ERBB4: variants seen among roughly 807,000 people sequenced by gnomAD.
The protein encoded by ERBB4 is erb-b2 receptor tyrosine kinase 4.
In ERBB4, 42 loss-of-function variants were observed where a neutral mutation model predicts 158.0. The observed-to-expected ratio is 0.27, with a 90% CI of 0.21 to 0.34. The LOEUF (loss-of-function observed/expected upper bound fraction) is 0.34. Among genes scored for constraint, ERBB4 ranks in the 10% least tolerant of loss-of-function variants. The pLI is 1.00. For synonymous variants in ERBB4, 583 were observed against 558.7 expected (o/e 1.04, Z -0.61); for missense variants, 1,333 against 1,624.1 (o/e 0.82, Z 3.08).
intron 2 of ERBB4, among the ~76,000 whole-genome samples, chr2:212,121,040 A>C (rs1391293282): frequency 6.6e-6 from 1 of 152,236 alleles, no homozygotes; most frequent in Non-Finnish European, 1.5e-5. Context: ...ATGAAATTTT[A>C]TATTAAATGG....
At chr2:212,300,534 TC>T (rs1297479042) in intron 1 of ERBB4, among the ~76,000 whole-genome samples, 3 of 151,446 alleles carry the variant, frequency 2.0e-5, no homozygotes, top group African/African-American at 7.3e-5. Flanking sequence ...TTTTAAAATA[TC>T]CCAGCCTACA....
chr2:211,756,148 C>T (rs1281707442), intron 4 of ERBB4, among the ~76,000 whole-genome samples: 1 of 152,050 alleles, frequency 6.6e-6, no homozygotes, highest in African/African-American at 2.4e-5. Context: ...ATGTCACTAC[C>T]CTGTCCTCAA....
chr2:211,562,185 T>C, intron 19 of ERBB4, 97 bp from the exon 20 acceptor site: 1 of 1,000,364 alleles, frequency 1.0e-6, no homozygotes. Flanking sequence ...TTTTTAAAAA[T>C]GTACTCTTAC....
Position 211,991,757 on chromosome 2 carries a change from A to C in ERBB4, c.235-44141T>G, listed in dbSNP as rs144631633. Among the ~76,000 whole-genome samples the C allele has an allele frequency of 4.6e-3, 693 of 152,274 alleles. 1 individual carries two copies. The highest frequency in any genetic ancestry group is 8.0e-3 in the Non-Finnish European group (541 of 68,014). ...GACTAAGATAAATGAACGGAAAGGA[A>C]GTTGGAAAAAGGAAAAATCAGAGAC... is the stretch of plus-strand genomic sequence containing the variant. On this transcript the variant is annotated intron_variant, in intron 2 of 27. Coordinates refer to ENST00000342788, the MANE Select transcript of ERBB4 (RefSeq NM_005235.3).
intron 1 of ERBB4, among the ~76,000 whole-genome samples, chr2:212,407,505 C>A (rs1011228448): frequency 1.3e-5 from 2 of 152,038 alleles, no homozygotes; most frequent in African/African-American, 4.8e-5. Context: ...TGATCCCAAG[C>A]ACTCTGACTT....
At position 211,399,214 on chromosome 2, in the gene ERBB4, A is replaced by T. The variant is rs76982445; in HGVS notation, c.3136-11222T>A. On this transcript the variant is annotated intron_variant, in intron 25 of 27. Coordinates refer to ENST00000342788, the MANE Select transcript of ERBB4 (RefSeq NM_005235.3). ...ATAATTTAACAACTGTATTCTGTTTATTTCATCAGTGTGTCTTTTTTCTTA... is the reference window on the plus strand; with the variant it reads ...ATAATTTAACAACTGTATTCTGTTTTTTTCATCAGTGTGTCTTTTTTCTTA... 5.1e-3 allele frequency among the ~76,000 whole-genome samples: 773 copies of T among 152,320 alleles called. 6 individuals are homozygous for T. The highest frequency in any genetic ancestry group is 0.017 in the African/African-American group (726 of 41,580).
chr2:211,698,267 G>A (rs949839894), intron 12 of ERBB4, among the ~76,000 whole-genome samples: 3 of 149,102 alleles, frequency 2.0e-5, no homozygotes, highest in Non-Finnish European at 3.0e-5. Context: ...GGCCAAGATC[G>A]TGCCATTGCA....
At chr2:212,211,459 T>C (rs1407166346) in intron 1 of ERBB4, among the ~76,000 whole-genome samples, 2 of 152,136 alleles carry the variant, frequency 1.3e-5, no homozygotes, top group Non-Finnish European at 2.9e-5. Flanking sequence ...GATTTCTGTG[T>C]CCTTAGTGCT....
intron 1 of ERBB4, among the ~76,000 whole-genome samples, chr2:212,535,414 G>T (rs970776268): frequency 6.6e-6 from 1 of 151,974 alleles, no homozygotes; most frequent in Non-Finnish European, 1.5e-5. Context: ...ATAACCCCAT[G>T]ATTTTGGAGA....
Position 211,513,714 on chromosome 2 carries a change from C to T in ERBB4, c.2487+48189G>A, listed in dbSNP as rs545306838. 4.3e-3 allele frequency among the ~76,000 whole-genome samples: 648 copies of T among 152,120 alleles called. 7 individuals are homozygous for T. The highest frequency in any genetic ancestry group is 0.014 in the African/African-American group (592 of 41,514). ...TAGAGTAATAGGTCTTTGGCAGGCG[C>T]CCCCAACCCCTGTCTACGCTTTGTT... On this transcript the variant is annotated intron_variant, in intron 20 of 27. Transcript: ENST00000342788.
intron 16 of ERBB4, among the ~76,000 whole-genome samples, chr2:211,639,071 T>A (rs900592004): frequency 2.0e-5 from 3 of 152,154 alleles, no homozygotes; most frequent in Admixed American, 2.0e-4. Flanking sequence ...TAACAGGGTT[T>A]TTAAGAGGTC....
chr2:211,880,084 A>G (rs1162054261), intron 3 of ERBB4, among the ~76,000 whole-genome samples: 1 of 151,894 alleles, frequency 6.6e-6, no homozygotes, highest in African/African-American at 2.4e-5. Context: ...TGAAAACTAT[A>G]TGCTATATAC....
intron 2 of ERBB4, among the ~76,000 whole-genome samples, chr2:211,958,115 C>T (rs927756928): frequency 3.3e-5 from 5 of 152,064 alleles, no homozygotes; most frequent in African/African-American, 1.2e-4. Flanking sequence ...TGCCAAGACA[C>T]ACTTCAATAT....
chr2:212,130,918 C>A (rs766821348), intron 1 of ERBB4, among the ~76,000 whole-genome samples: 7 of 152,218 alleles, frequency 4.6e-5, no homozygotes, highest in African/African-American at 1.7e-4. Flanking sequence ...ATAAAAAATT[C>A]TTTTGCTGAT....
intron 1 of ERBB4, among the ~76,000 whole-genome samples, chr2:212,341,246 C>A (rs1026570314): frequency 2.6e-5 from 4 of 151,606 alleles, no homozygotes; most frequent in Non-Finnish European, 4.4e-5. Context: ...TTATATATTT[C>A]TTTTTTGTCC....
intron 1 of ERBB4, among the ~76,000 whole-genome samples, chr2:212,252,458 G>T (rs889415799): frequency 6.6e-6 from 1 of 150,668 alleles, no homozygotes; most frequent in African/African-American, 2.5e-5. Flanking sequence ...ATGTAAGCAT[G>T]CCATATGAAG....
rs185504471 is a variant in ERBB4 at position 212,202,432 on chromosome 2, G to A, written c.83-77529C>T. The stretch of plus-strand genomic sequence containing the variant: ...GGTACGATCATGGATCCATGCATCC[G>A]TGACCTCCTGGGCTCAAGTGATCCT... On this transcript the variant is annotated intron_variant, in intron 1 of 27. Transcript: ENST00000342788. Among the ~76,000 whole-genome samples, 100 of 152,000 alleles carry A rather than the reference G, an allele frequency of 6.6e-4. 1 individual carries two copies. The highest frequency in any genetic ancestry group is 2.1e-3 in the African/African-American group (87 of 41,460).
rs529761526 is a variant in ERBB4, at chr2:211,666,854, G to C, written c.1717-1377C>G. Reference sequence around the variant, plus strand: ...AAACAACTTAAATAAATAAGATATAGTAAGCATACAGAGAGACAATTCTAT... The same window carrying C: ...AAACAACTTAAATAAATAAGATATACTAAGCATACAGAGAGACAATTCTAT... On this transcript the variant is annotated intron_variant, in intron 14 of 27. Coordinates refer to ENST00000342788, the MANE Select transcript of ERBB4 (RefSeq NM_005235.3). Among the ~76,000 whole-genome samples the C allele has an allele frequency of 3.9e-5, 6 of 152,224 alleles. No homozygotes were observed. In the South Asian group the frequency reaches 1.2e-3, roughly 32 times the overall value.
At chr2:211,444,840 C>T (rs1041855454) in intron 20 of ERBB4, among the ~76,000 whole-genome samples, 5 of 151,828 alleles carry the variant, frequency 3.3e-5, no homozygotes, top group East Asian at 1.9e-4. Flanking sequence ...ACACAGATTA[C>T]GTAAATGATG....
Sources: allele counts gnomAD v4.1 joint callset (sites outside exome capture counted in the v4.1 genomes callset), GRCh38; gene constraint gnomAD v4.1.1; transcripts MANE v1.5; gene names NCBI Gene and HGNC (gene_info 2026-07-23, HGNC 2026-07-21).